DLC1: variants seen among roughly 807,000 people sequenced by gnomAD.
The protein encoded by DLC1 is rho GTPase-activating protein 7.
A neutral mutation model predicts 140.3 loss-of-function variants in DLC1; 54 were observed. The ratio of observed to expected loss-of-function variants is 0.38; its 90% CI spans 0.31 to 0.48. DLC1 has a LOEUF of 0.48. DLC1 is among the 20% of genes least tolerant of loss of function. DLC1 has a pLI of 0.96. For synonymous variants in DLC1, 986 were observed against 728.1 expected (o/e 1.35, Z -5.70); for missense variants, 2,536 against 1,907.0 (o/e 1.33, Z -6.14).
intron 4 of DLC1, among the ~76,000 whole-genome samples, chr8:13,382,005 A>G (rs1836281978): frequency 6.6e-6 from 1 of 152,154 alleles, no homozygotes; most frequent in African/African-American, 2.4e-5. Flanking sequence ...GTAGCTTTTG[A>G]GGGGGCTTTC....
At chr8:13,480,875 G>C (rs1206742634) in intron 2 of DLC1, among the ~76,000 whole-genome samples, 1 of 152,160 alleles carries the variant, frequency 6.6e-6, no homozygotes, top group African/African-American at 2.4e-5. Flanking sequence ...TTGCACTGCA[G>C]CCTGGGCAAC....
intron 4 of DLC1, among the ~76,000 whole-genome samples, chr8:13,378,443 T>G (rs1045502434): frequency 6.6e-6 from 1 of 152,014 alleles, no homozygotes; most frequent in Non-Finnish European, 1.5e-5. Flanking sequence ...AGATTAAGTA[T>G]GTTAGAGTTT....
chr8:13,088,245 G>C (rs2584558), intron 16 of DLC1, among the ~76,000 whole-genome samples: 1 of 151,886 alleles, frequency 6.6e-6, no homozygotes, highest in Admixed American at 6.6e-5. Context: ...ACATCTAGCT[G>C]ATTTTTAAAA....
In DLC1 at chr8:13,238,452, G is replaced by A. The variant is rs760761140; in HGVS notation, c.1348+66817C>T. ...CATTTGAGCTCAAGAGGTGGAGGCT[G>A]CAGTGAGCCACGTTCACGCCACTGC... On this transcript the variant is annotated intron_variant, in intron 5 of 17. Coordinates refer to ENST00000276297, the MANE Select transcript of DLC1 (RefSeq NM_182643.3). 3.3e-5 allele frequency among the ~76,000 whole-genome samples: 5 copies of A among 152,060 alleles called. No homozygotes were observed. The South Asian group carries it at 6.2e-4, about 19-fold the overall frequency.
At chr8:13,571,779 G>T (rs1289704228) in intron 1 of DLC1, among the ~76,000 whole-genome samples, 2 of 152,162 alleles carry the variant, frequency 1.3e-5, no homozygotes, top group African/African-American at 4.8e-5. Context: ...TTGAGGAAGT[G>T]ACACATTATT....
At chr8:13,440,158 T>C (rs1195664433) in intron 2 of DLC1, among the ~76,000 whole-genome samples, 1 of 152,180 alleles carries the variant, frequency 6.6e-6, no homozygotes, top group Non-Finnish European at 1.5e-5. Context: ...GGAGATAGAG[T>C]ACGCATAGGT....
intron 5 of DLC1, among the ~76,000 whole-genome samples, chr8:13,219,843 A>C (rs1486986441): frequency 2.0e-5 from 3 of 152,190 alleles, no homozygotes; most frequent in Non-Finnish European, 4.4e-5. Context: ...TTCAGCTGTA[A>C]AAAGGAATGA....
Position 13,098,584 on chromosome 8 carries a change from G to C in DLC1, c.2991-9C>G. 1 of 1,610,880 alleles carries C rather than the reference G, an allele frequency of 6.2e-7. No homozygotes were observed. Among genetic ancestry groups the C allele is most frequent in the Non-Finnish European group, 8.5e-7 (1 of 1,178,692 alleles). On this transcript the variant is annotated splice_polypyrimidine_tract_variant and intron_variant, in intron 9 of 17. Transcript: ENST00000276297. ...GCCATCTCAGTCGGTGCCTGCGAGA[G>C]AAGAGGAGAGGAAAATGAGTGTGAA...
intron 5 of DLC1, among the ~76,000 whole-genome samples, chr8:13,255,016 GC>G: frequency 6.7e-6 from 1 of 150,114 alleles, no homozygotes; most frequent in East Asian, 2.0e-4. Context: ...CCACTCTGTT[GC>G]CCAGGCTTGA....
chr8:13,094,151 T>C (rs1426267457), intron 12 of DLC1, among the ~76,000 whole-genome samples: 2 of 152,224 alleles, frequency 1.3e-5, no homozygotes, highest in Non-Finnish European at 2.9e-5. Flanking sequence ...ACCTGATCTT[T>C]ATCTGACCAG....
intron 1 of DLC1, among the ~76,000 whole-genome samples, chr8:13,596,725 C>G (rs1428396751): frequency 1.3e-5 from 2 of 151,964 alleles, no homozygotes; most frequent in African/African-American, 4.8e-5. Context: ...ATCTAAAACC[C>G]TGGCATATGG....
chr8:13,415,352 A>ATTTTCCCCT (rs1838005328), intron 2 of DLC1, among the ~76,000 whole-genome samples: 1 of 151,956 alleles, frequency 6.6e-6, no homozygotes, highest in Non-Finnish European at 1.5e-5. Flanking sequence ...GATATGTTTA[A>ATTTTCCCCT]TTTTCCCCTT....
chr8:13,234,726 A>G (rs769882233), intron 5 of DLC1, among the ~76,000 whole-genome samples: 1 of 152,116 alleles, frequency 6.6e-6, no homozygotes, highest in Non-Finnish European at 1.5e-5. Context: ...ACTGGAGAGT[A>G]TATGGATTAA....
intron 5 of DLC1, among the ~76,000 whole-genome samples, chr8:13,183,629 C>A (rs775224767): frequency 2.6e-5 from 4 of 151,926 alleles, no homozygotes; most frequent in African/African-American, 9.7e-5. Flanking sequence ...TATTGATTTG[C>A]GTATGTTGAA....
At position 13,098,465 on chromosome 8, in the gene DLC1, T is replaced by C; in HGVS notation, c.3101A>G (p.Tyr1034Cys). 1 of 1,614,108 alleles carries C rather than the reference T, an allele frequency of 6.2e-7. No individual in the cohort carries two copies. The highest frequency in any genetic ancestry group is 2.2e-5 in the East Asian group (1 of 44,884). Residue 1034 changes from tyrosine (Y) to cysteine (C), a missense_variant, in exon 10 of 18, where the codon TAC becomes TGC. Transcript: ENST00000276297. ...SVAQMNLLQK[Y>C]SLLKLTALLE... ...CAGGGCCGTTAGCTTTAGGAGTGAG[T>C]ATTTCTGCAGCAGGTTCATCTGGGC...
At chr8:13,529,740 C>G (rs370316708) in intron 1 of DLC1, among the ~76,000 whole-genome samples, 7 of 152,142 alleles carry the variant, frequency 4.6e-5, no homozygotes, top group Admixed American at 3.9e-4. Context: ...GATGAGACTA[C>G]TATGTTCTAG....
upstream of DLC1, among the ~76,000 whole-genome samples, chr8:13,518,618 T>C (rs1205397438): frequency 6.6e-6 from 1 of 152,244 alleles, no homozygotes. Flanking sequence ...ATGAAATAAG[T>C]AGCAACATCA....
chr8:13,133,479 C>T (rs1406209065), intron 5 of DLC1: 11 of 229,388 alleles, frequency 4.8e-5, no homozygotes, highest in African/African-American at 2.5e-4. Flanking sequence ...AGCCTCAGGC[C>T]GCCCTCTAGC....
rs1828515441 is a variant in DLC1 at position 13,220,965 on chromosome 8, G to T, written c.1348+84304C>A. Among the ~76,000 whole-genome samples, 4 of 152,158 alleles carry T rather than the reference G, an allele frequency of 2.6e-5. No individual in the cohort carries two copies. In the South Asian group the frequency reaches 8.3e-4, roughly 32 times the overall value. On this transcript the variant is annotated intron_variant, in intron 5 of 17. Coordinates refer to ENST00000276297, the MANE Select transcript of DLC1 (RefSeq NM_182643.3). ...GCTGTGGGCAGAGTGATGAAATGCA[G>T]CCCCACGTATGAGGGTGTTAGGTGA... is the stretch of plus-strand genomic sequence containing the variant.
Sources: allele counts gnomAD v4.1 joint callset (sites outside exome capture counted in the v4.1 genomes callset), GRCh38; gene constraint gnomAD v4.1.1; transcripts MANE v1.5; gene names NCBI Gene and HGNC (gene_info 2026-07-23, HGNC 2026-07-21).